TNFRSF13B: variants seen among roughly 807,000 people sequenced by gnomAD.
TNFRSF13B encodes TNF receptor superfamily member 13B.
TNFRSF13B carries 34 observed loss-of-function variants against 24.0 expected under a neutral mutation model. That is an observed-to-expected ratio of 1.41 (90% CI 1.08 to 1.88). The LOEUF (loss-of-function observed/expected upper bound fraction) is 1.88. TNFRSF13B is among the 40% of genes most tolerant of loss of function. The pLI, the probability that TNFRSF13B is intolerant of heterozygous loss-of-function variation, is 0.00. For synonymous variants in TNFRSF13B, 173 were observed against 150.3 expected (o/e 1.15, Z -1.10); for missense variants, 415 against 380.8 (o/e 1.09, Z -0.75).
chr17:16,970,180 C>CA (rs1353112577), intron 1 of TNFRSF13B, among the ~76,000 whole-genome samples: 1 of 152,172 alleles, frequency 6.6e-6, no homozygotes, highest in Non-Finnish European at 1.5e-5. Context: ...CAAAGGAGGG[C>CA]AGGAAAACCC....
chr17:16,940,756 G>C (rs2087504448), intron 3 of TNFRSF13B: 4 of 1,418,992 alleles, frequency 2.8e-6, no homozygotes, highest in Non-Finnish European at 2.8e-6. Context: ...AGGCCTTCTT[G>C]TTGTCTCCAC....
At chr17:16,954,323 G>T (rs902210116) in intron 1 of TNFRSF13B, among the ~76,000 whole-genome samples, 3 of 152,216 alleles carry the variant, frequency 2.0e-5, no homozygotes, top group African/African-American at 7.2e-5. Flanking sequence ...GTTCAAGGCT[G>T]AGGTGAGCTA....
At chr17:16,942,780 T>G (rs991933604) in intron 3 of TNFRSF13B, among the ~76,000 whole-genome samples, 4 of 152,238 alleles carry the variant, frequency 2.6e-5, no homozygotes, top group African/African-American at 9.6e-5. Flanking sequence ...CATAAGATTC[T>G]GAAACCCAGC....
chr17:16,951,707 G>A (rs2143661133), intron 2 of TNFRSF13B, among the ~76,000 whole-genome samples: 1 of 152,228 alleles, frequency 6.6e-6, no homozygotes, highest in East Asian at 1.9e-4. Flanking sequence ...TGACCAACAT[G>A]GAGAAACCCC....
At chr17:16,945,655 G>A (rs191555178) in intron 3 of TNFRSF13B, among the ~76,000 whole-genome samples, 56 of 152,302 alleles carry the variant, frequency 3.7e-4, no homozygotes, top group African/African-American at 1.3e-3. Flanking sequence ...ACACCAGGGC[G>A]GCAGGCATGG....
At chr17:16,971,873 G>T in intron 1 of TNFRSF13B, 142 bp downstream of exon 1, 1 of 815,304 alleles carries the variant, frequency 1.2e-6, no homozygotes. Flanking sequence ...ATGTGCAGGA[G>T]CTTGGGGAGG....
At chr17:16,941,283 A>G (rs1205550051) in intron 3 of TNFRSF13B, 1 of 987,642 alleles carries the variant, frequency 1.0e-6, no homozygotes, top group African/African-American at 1.7e-5. Flanking sequence ...GCGACGTTAC[A>G]CTGAGACCAG....
intron 2 of TNFRSF13B, 84 bp downstream of exon 2, chr17:16,952,362 C>T (rs2087594489): frequency 1.9e-6 from 3 of 1,599,330 alleles, no homozygotes; most frequent in Admixed American, 3.4e-5. Context: ...TCCTCAGCCA[C>T]CTGACTGTGG....
intron 1 of TNFRSF13B, 30 bp downstream of exon 1, chr17:16,971,985 G>T (rs771259545): frequency 3.7e-6 from 6 of 1,611,862 alleles, no homozygotes; most frequent in Non-Finnish European, 5.1e-6. Context: ...CCTCCCACCT[G>T]CCCTCCTGCC....
intron 3 of TNFRSF13B, among the ~76,000 whole-genome samples, chr17:16,948,377 TAAATG>T (rs957617079): frequency 2.0e-5 from 3 of 151,910 alleles, no homozygotes; most frequent in African/African-American, 7.3e-5. Context: ...ATAATAGAAA[TAAATG>T]GAGTCTGCAG....
chr17:16,951,118 T>A (rs1354501943), intron 2 of TNFRSF13B, among the ~76,000 whole-genome samples: 3 of 152,246 alleles, frequency 2.0e-5, no homozygotes, highest in African/African-American at 7.2e-5. Flanking sequence ...GGGTAGTGGT[T>A]CAGGTCATGA....
chr17:16,969,796 C>A (rs575393901), intron 1 of TNFRSF13B, among the ~76,000 whole-genome samples: 6 of 152,110 alleles, frequency 3.9e-5, no homozygotes, highest in Non-Finnish European at 5.9e-5. Flanking sequence ...GGGTTTCAAA[C>A]CATCTGACTA....
chr17:16,944,022 C>T (rs1181659552), intron 3 of TNFRSF13B, among the ~76,000 whole-genome samples: 1 of 152,226 alleles, frequency 6.6e-6, no homozygotes, highest in Non-Finnish European at 1.5e-5. Flanking sequence ...GCCCTCCTCT[C>T]CCCACCAAGC....
chr17:16,969,048 A>G (rs1415250787), intron 1 of TNFRSF13B, among the ~76,000 whole-genome samples: 1 of 152,276 alleles, frequency 6.6e-6, no homozygotes, highest in Non-Finnish European at 1.5e-5. Context: ...ACAGTCAATG[A>G]CAAATGTCGG....
intron 1 of TNFRSF13B, among the ~76,000 whole-genome samples, chr17:16,953,855 C>CA (rs2087607041): frequency 6.6e-6 from 1 of 152,140 alleles, no homozygotes; most frequent in Admixed American, 6.5e-5. Flanking sequence ...CAGCAACCTC[C>CA]ACCTCCCGGG....
chr17:16,970,266 C>A (rs1257796550), intron 1 of TNFRSF13B, among the ~76,000 whole-genome samples: 1 of 152,178 alleles, frequency 6.6e-6, no homozygotes, highest in Non-Finnish European at 1.5e-5. Flanking sequence ...AAAGGGAACA[C>A]CTCTCTGACA....
rs749017984 is a variant in TNFRSF13B, at chr17:16,939,723, CAG to C, written c.704_705del (p.Pro235ArgfsTer169). Reference protein sequence around the residue: ...EPVETCSFCFPECRAPTQESA... With the variant: ...EPVETCSFCFXECRAPTQESA... ...CTCTCCTGCGTGGGCGCCCTGCACT[CAG>C]GGAAGCAGAAGCTGCAGGTCTCCAC... On this transcript the variant is annotated frameshift_variant, in exon 5 of 5. Transcript: ENST00000261652. LOFTEE classifies it low-confidence loss of function (END_TRUNC). 5.4e-5 allele frequency: 87 copies of C among 1,605,934 alleles called. No individual in the cohort carries two copies. The East Asian group carries it at 1.5e-3, about 28-fold the overall frequency.
chr17:16,969,908 G>A (rs886875242), intron 1 of TNFRSF13B, among the ~76,000 whole-genome samples: 3 of 152,176 alleles, frequency 2.0e-5, no homozygotes, highest in African/African-American at 7.2e-5. Flanking sequence ...GAGGGAGAAA[G>A]CCACCACCCG....
intron 1 of TNFRSF13B, among the ~76,000 whole-genome samples, chr17:16,964,137 T>C (rs1443400219): frequency 6.6e-6 from 1 of 150,398 alleles, no homozygotes; most frequent in Non-Finnish European, 1.5e-5. Context: ...AGAAGAGAGA[T>C]GAGGAAGACA....
Sources: gnomAD v4.1 joint callset for allele counts (sites outside exome capture counted in the v4.1 genomes callset) on GRCh38, gnomAD v4.1.1 for gene constraint, MANE v1.5 for transcripts, NCBI Gene and HGNC (gene_info 2026-07-23, HGNC 2026-07-21) for gene names.